GLDN: variants seen among roughly 807,000 people sequenced by gnomAD.
GLDN encodes the protein collomin.
GLDN carries 47 observed loss-of-function variants against 56.5 expected under a neutral mutation model. The ratio of observed to expected loss-of-function variants is 0.83; its 90% confidence interval spans 0.66 to 1.06. The LOEUF (loss-of-function observed/expected upper bound fraction) is 1.06, where lower values mean the gene tolerates loss of function less well. GLDN is among the 50% of genes least tolerant of loss of function. The pLI is 0.00. For missense variants in GLDN, 782 were observed against 714.3 expected, an observed-to-expected ratio of 1.09 and a Z score of -1.08; for synonymous variants, 332 against 278.8, an observed-to-expected ratio of 1.19 and a Z score of -1.90.
In GLDN at chr15:51,345,937, A is replaced by G. The variant is rs76355800; in HGVS notation, c.363+3890A>G. The stretch of plus-strand genomic sequence containing the variant: ...TCAATAGACTTCTTATACCCAAACA[A>G]TCATCTGTTGAAAGATATAATGGAA... On this transcript the variant is annotated intron_variant, in intron 1 of 9. Transcript: ENST00000335449. Among the ~76,000 whole-genome samples the G allele has an allele frequency of 4.2e-3, 645 of 152,290 alleles. 2 individuals are homozygous for G. Among genetic ancestry groups the G allele is most frequent in the African/African-American group, 0.015 (609 of 41,550 alleles).
chr15:51,375,528 G>T (rs1158285464), intron 1 of GLDN, among the ~76,000 whole-genome samples: 1 of 152,212 alleles, frequency 6.6e-6, no homozygotes, highest in Non-Finnish European at 1.5e-5. Flanking sequence ...AGCACAGTCA[G>T]ATTTGTTTTT....
intron 1 of GLDN, chr15:51,367,612 A>T (rs2037432313): frequency 6.6e-6 from 1 of 152,246 alleles, no homozygotes. Context: ...AAAACAAATG[A>T]CTCGAGAATA....
chr15:51,357,650 G>T (rs74862255), intron 1 of GLDN, among the ~76,000 whole-genome samples: 1,918 of 152,276 alleles, frequency 0.013, 48 homozygotes, highest in African/African-American at 0.044. Context: ...GGGCTGACTA[G>T]AGGCGGAAAA....
rs112434135 is a variant in GLDN, at chr15:51,347,043, C to A, written c.363+4996C>A. 4.2e-3 allele frequency among the ~76,000 whole-genome samples: 632 copies of A among 152,102 alleles called. 8 individuals are homozygous for A. The highest frequency in any genetic ancestry group is 0.014 in the African/African-American group (591 of 41,508). ...GTGGCACTACTGTACTCCAGCTGGG[C>A]GACAGAGGAGGACTCCATCTCAAAA... On this transcript the variant is annotated intron_variant, in intron 1 of 9. Coordinates refer to ENST00000335449, the MANE Select transcript of GLDN (RefSeq NM_181789.4).
At chr15:51,393,864 C>T (rs8037124) in intron 4 of GLDN, among the ~76,000 whole-genome samples, 5,747 of 152,312 alleles carry the variant, frequency 0.038, 188 homozygotes, top group African/African-American at 0.091. Context: ...TCTGTAGTCA[C>T]AGCTCCCTGT....
chr15:51,366,283 G>A (rs2037400045), intron 1 of GLDN, among the ~76,000 whole-genome samples: 1 of 152,218 alleles, frequency 6.6e-6, no homozygotes, highest in African/African-American at 2.4e-5. Flanking sequence ...CATGCAAGAA[G>A]GAGGCCTTGC....
In GLDN at chr15:51,341,989, C is replaced by T. The variant is rs773034470; in HGVS notation, c.305C>T (p.Pro102Leu). Residue 102 changes from proline to leucine, a missense_variant, in exon 1 of 10, where the codon CCG (proline) becomes CTG (leucine). Transcript: ENST00000335449. ...NKRSHSGEPAPHIRAESHDML... is the reference protein window; with the variant it reads ...NKRSHSGEPALHIRAESHDML... ...CGCAGCCACAGCGGCGAGCCCGCGC[C>T]GCATATCCGCGCCGAGAGCCATGAC... 34 of 1,597,704 alleles carry T rather than the reference C, an allele frequency of 2.1e-5. 2 individuals are homozygous for T. In the South Asian group the frequency reaches 3.5e-4, roughly 17 times the overall value.
At chr15:51,411,353 G>A (rs1240290706), downstream of GLDN, among the ~76,000 whole-genome samples, 1 of 152,204 alleles carries the variant, frequency 6.6e-6, no homozygotes, top group African/African-American at 2.4e-5. Context: ...AAGAAGACCT[G>A]CTATGCCAAG....
intron 1 of GLDN, among the ~76,000 whole-genome samples, chr15:51,346,551 T>G (rs959806408): frequency 6.6e-6 from 1 of 152,230 alleles, no homozygotes; most frequent in African/African-American, 2.4e-5. Flanking sequence ...GGTCAAAGAC[T>G]TACATTTTTA....
At chr15:51,401,873 A>T in intron 9 of GLDN, 130 bp downstream of exon 9, 1 of 786,678 alleles carries the variant, frequency 1.3e-6, no homozygotes, top group Non-Finnish European at 2.0e-6. Flanking sequence ...CACTGAGGTC[A>T]ATCAGGGTTT....
chr15:51,354,817 C>T (rs2037143786), intron 1 of GLDN, among the ~76,000 whole-genome samples: 1 of 152,124 alleles, frequency 6.6e-6, no homozygotes, highest in African/African-American at 2.4e-5. Context: ...GTCATAAAGG[C>T]TGTGGTTTTA....
intron 1 of GLDN, among the ~76,000 whole-genome samples, chr15:51,374,158 T>A (rs1325826205): frequency 1.3e-5 from 2 of 152,094 alleles, no homozygotes; most frequent in Non-Finnish European, 2.9e-5. Flanking sequence ...TGCTTCATAG[T>A]TTTTACAGAA....
At chr15:51,343,011 GC>G (rs2036913683) in intron 1 of GLDN, among the ~76,000 whole-genome samples, 2 of 152,182 alleles carry the variant, frequency 1.3e-5, no homozygotes, top group Admixed American at 1.3e-4. Flanking sequence ...AGATCACATT[GC>G]AGTTCCCCAT....
At chr15:51,390,714 G>A (rs375214126) in intron 4 of GLDN, among the ~76,000 whole-genome samples, 23 of 152,114 alleles carry the variant, frequency 1.5e-4, no homozygotes, top group African/African-American at 4.8e-4. Context: ...CCTCAACCCC[G>A]AGATATCACA....
chr15:51,346,365 G>T (rs1214470110), intron 1 of GLDN, among the ~76,000 whole-genome samples: 3 of 152,144 alleles, frequency 2.0e-5, no homozygotes, highest in Non-Finnish European at 4.4e-5. Flanking sequence ...GGAAAGTTCC[G>T]AAATAATCTT....
At chr15:51,409,138 T>G (rs1004453337), downstream of GLDN, among the ~76,000 whole-genome samples, 9 of 150,538 alleles carry the variant, frequency 6.0e-5, no homozygotes, top group African/African-American at 1.9e-4. Flanking sequence ...GTGAATAGTT[T>G]CCATGGGCTG....
At chr15:51,348,843 G>A (rs1407102885) in intron 1 of GLDN, among the ~76,000 whole-genome samples, 1 of 152,142 alleles carries the variant, frequency 6.6e-6, no homozygotes, top group Admixed American at 6.5e-5. Flanking sequence ...ATCATGAGTG[G>A]CTTTGAACCC....
At chr15:51,394,120 C>T (rs571447536) in intron 4 of GLDN, among the ~76,000 whole-genome samples, 1 of 152,294 alleles carries the variant, frequency 6.6e-6, no homozygotes, top group Non-Finnish European at 1.5e-5. Flanking sequence ...CCTAGCCTAC[C>T]ACTCCAATAT....
chr15:51,411,649 C>T (rs1234665214), downstream of GLDN, among the ~76,000 whole-genome samples: 1 of 152,228 alleles, frequency 6.6e-6, no homozygotes, highest in African/African-American at 2.4e-5. Context: ...TCTATTAAAA[C>T]TTTATGGACA....
Sources: gnomAD v4.1 joint callset for allele counts (sites outside exome capture counted in the v4.1 genomes callset) on GRCh38, gnomAD v4.1.1 for gene constraint, MANE v1.5 for transcripts, NCBI Gene and HGNC (gene_info 2026-07-23, HGNC 2026-07-21) for gene names.